The following ARMC2 variants were observed in gnomAD, a reference collection of about 807,000 sequenced individuals.
ARMC2 encodes the protein armadillo repeat-containing protein 2.
ARMC2 carries 67 observed loss-of-function variants against 90.3 expected under a neutral mutation model. The ratio of observed to expected loss-of-function variants is 0.74; its 90% CI spans 0.61 to 0.91. The LOEUF is 0.91. ARMC2 is among the 40% of genes least tolerant of loss of function. The pLI, the probability that ARMC2 is intolerant of heterozygous loss-of-function variation, is 0.00. For missense variants in ARMC2, 920 were observed against 1,030.9 expected (o/e 0.89, Z 1.47); for synonymous variants, 393 against 393.0 (o/e 1.00, Z 0.00).
At chr6:108,896,371 A>G (rs182954503) in intron 6 of ARMC2, among the ~76,000 whole-genome samples, 190 of 152,346 alleles carry the variant, frequency 1.2e-3, no homozygotes, top group Non-Finnish European at 2.1e-3. Context: ...AAAATATTAG[A>G]TTGTTGCCCA....
the ARMC2 span, among the ~76,000 whole-genome samples, chr6:108,984,763 C>CAACT: frequency 6.6e-6 from 1 of 152,192 alleles, no homozygotes; most frequent in East Asian, 1.9e-4. Context: ...TTGTATCCTA[C>CAACT]AACTTTGCTG....
chr6:108,904,577 C>CT (rs1235905534), intron 8 of ARMC2, among the ~76,000 whole-genome samples, 172 bp downstream of exon 8: 2 of 150,124 alleles, frequency 1.3e-5, no homozygotes, highest in Non-Finnish European at 3.0e-5. Flanking sequence ...GAAATATTAT[C>CT]TAAGGAACTA....
chr6:109,006,827 T>A, the ARMC2 span, among the ~76,000 whole-genome samples: 2 of 152,210 alleles, frequency 1.3e-5, no homozygotes, highest in African/African-American at 4.8e-5. Context: ...AATGGGGTGA[T>A]CATAAGCCAA....
chr6:108,917,257 C>T (rs180708217), intron 10 of ARMC2, among the ~76,000 whole-genome samples: 54 of 152,216 alleles, frequency 3.5e-4, no homozygotes, highest in East Asian at 2.9e-3. Context: ...CCCCTACCCC[C>T]GCTTCTCTGG....
intron 12 of ARMC2, among the ~76,000 whole-genome samples, chr6:108,947,460 T>C (rs1776880713): frequency 6.6e-6 from 1 of 152,218 alleles, no homozygotes; most frequent in Non-Finnish European, 1.5e-5. Context: ...TTTAGGCCAA[T>C]GTCTCTCCCA....
the ARMC2 span, among the ~76,000 whole-genome samples, chr6:109,008,375 G>T: frequency 6.6e-6 from 1 of 152,170 alleles, no homozygotes; most frequent in African/African-American, 2.4e-5. Flanking sequence ...TACTGTAAGA[G>T]ATTTTTAAAG....
At chr6:108,985,952 T>C in the ARMC2 span, among the ~76,000 whole-genome samples, 7 of 152,198 alleles carry the variant, frequency 4.6e-5, no homozygotes, top group African/African-American at 1.4e-4. Context: ...TAAATATCCT[T>C]GAGGACAGGT....
At chr6:108,905,854 T>TAC (rs1195254777) in intron 8 of ARMC2, among the ~76,000 whole-genome samples, 5 of 152,136 alleles carry the variant, frequency 3.3e-5, no homozygotes, top group Admixed American at 2.6e-4. Context: ...TCTGACTAGC[T>TAC]ACAGAACCAG....
chr6:109,042,844 A>G, the ARMC2 span, among the ~76,000 whole-genome samples: 1 of 152,090 alleles, frequency 6.6e-6, no homozygotes, highest in African/African-American at 2.4e-5. Flanking sequence ...AAAATTTTCA[A>G]TTATTTTTAT....
At chr6:108,986,407 CATG>C in the ARMC2 span, 1 of 152,576 alleles carries the variant, frequency 6.6e-6, no homozygotes, top group Non-Finnish European at 1.5e-5. Context: ...ATAGTGAAGT[CATG>C]ATTTTTTAAG....
rs869186045 is a variant in ARMC2, at chr6:108,890,189, C to CAAAA, written c.672-4241_672-4238dup. On this transcript the variant is annotated intron_variant, in intron 5 of 17. Coordinates refer to ENST00000392644, the MANE Select transcript of ARMC2 (RefSeq NM_032131.6). ...TGGGTGACAGAGCGAGACTCCGTCTCAAAAAAAAAAAAAAAAAAAAAAAAA... is the reference window on the plus strand; with the variant it reads ...TGGGTGACAGAGCGAGACTCCGTCTCAAAAAAAAAAAAAAAAAAAAAAAAAAAAA... Among the ~76,000 whole-genome samples, 79 of 64,246 alleles carry CAAAA rather than the reference C, an allele frequency of 1.2e-3. 19 individuals carry two copies. The highest frequency in any genetic ancestry group is 2.6e-3 in the South Asian group (3 of 1,166). 42.1% of individuals were successfully genotyped at this position (64,246 alleles called of 152,430 possible).
chr6:108,874,547 C>A (rs1434919621), intron 4 of ARMC2, among the ~76,000 whole-genome samples: 1 of 152,192 alleles, frequency 6.6e-6, no homozygotes, highest in Non-Finnish European at 1.5e-5. Context: ...AGTCAGGATT[C>A]TTGGGTTCCA....
intron 3 of ARMC2, among the ~76,000 whole-genome samples, chr6:108,865,228 C>T (rs929857526): frequency 5.3e-5 from 8 of 152,112 alleles, no homozygotes; most frequent in Non-Finnish European, 8.8e-5. Flanking sequence ...GGTGATCCCC[C>T]CGCCTCAGCC....
At chr6:109,019,778 A>T in the ARMC2 span, among the ~76,000 whole-genome samples, 1 of 152,234 alleles carries the variant, frequency 6.6e-6, no homozygotes, top group Non-Finnish European at 1.5e-5. Context: ...GGCAGGTTTT[A>T]AAATAATGCA....
the ARMC2 span, among the ~76,000 whole-genome samples, chr6:109,042,012 A>C: frequency 6.6e-6 from 1 of 152,162 alleles, no homozygotes; most frequent in Non-Finnish European, 1.5e-5. Context: ...CTCTGATCAT[A>C]ACGAAATCAC....
At chr6:108,992,702 T>G in the ARMC2 span, 1 of 835,216 alleles carries the variant, frequency 1.2e-6, no homozygotes, top group Non-Finnish European at 2.1e-6. Flanking sequence ...CTTAGCATAG[T>G]TCTCAAATCT....
rs1554260247 is a variant in ARMC2 at position 108,965,371 on chromosome 6, C to CAT, written c.2446+231_2446+232insAT. Among the ~76,000 whole-genome samples, 3 of 126,744 alleles carry CAT rather than the reference C, an allele frequency of 2.4e-5. No homozygotes were observed. In the East Asian group the frequency reaches 6.9e-4, roughly 29 times the overall value. The allele number at this position is 126,744 out of a possible 152,430, so 83.1% of individuals were successfully genotyped here. On this transcript the variant is annotated intron_variant, in intron 17 of 17. Coordinates refer to ENST00000392644, the MANE Select transcript of ARMC2 (RefSeq NM_032131.6). Reference sequence around the variant, plus strand: ...GATACATTCATGATTTCTTCTATGGCTTTTTTTTTTTTTTTTTGCATTTTC... The same window carrying CAT: ...GATACATTCATGATTTCTTCTATGGCATTTTTTTTTTTTTTTTTTGCATTTTC...
chr6:108,929,390 G>A (rs907397726), intron 11 of ARMC2, among the ~76,000 whole-genome samples: 1 of 152,020 alleles, frequency 6.6e-6, no homozygotes, highest in African/African-American at 2.4e-5. Flanking sequence ...TTTGTTTCTG[G>A]GCATTCTGTT....
chr6:108,905,536 A>AG (rs930496101), intron 8 of ARMC2, among the ~76,000 whole-genome samples: 1 of 150,354 alleles, frequency 6.7e-6, no homozygotes, highest in African/African-American at 2.5e-5. Context: ...AGAAAGAGTG[A>AG]GGAAAAAAAA....
Sources: allele counts gnomAD v4.1 joint callset (sites outside exome capture counted in the v4.1 genomes callset), GRCh38; gene constraint gnomAD v4.1.1; transcripts MANE v1.5; gene names NCBI Gene and HGNC (gene_info 2026-07-23, HGNC 2026-07-21).